DLGAP1: variants seen among roughly 807,000 people sequenced by gnomAD.
DLGAP1 encodes the protein DLG associated protein 1.
A neutral mutation model predicts 90.8 loss-of-function variants in DLGAP1; 11 were observed. That is an observed-to-expected ratio of 0.12 (90% CI 0.08 to 0.20). The LOEUF (loss-of-function observed/expected upper bound fraction) is 0.20, where lower values mean the gene tolerates loss of function less well. Ranked by LOEUF, DLGAP1 falls within the 10% of genes least tolerant of loss-of-function variation. The probability of loss-of-function intolerance (pLI) is 1.00; values close to 1 mark genes in which losing one functional copy is unlikely to be tolerated. For missense variants in DLGAP1, 1,050 were observed against 1,333.8 expected, an observed-to-expected ratio of 0.79 and a Z score of 3.31; for synonymous variants, 558 against 540.7, an observed-to-expected ratio of 1.03 and a Z score of -0.44.
Position 4,173,001 on chromosome 18 carries a change from C to T in DLGAP1, c.-266-21714G>A, listed in dbSNP as rs80028741. 1.8e-3 allele frequency among the ~76,000 whole-genome samples: 280 copies of T among 152,264 alleles called. 6 individuals carry two copies. The East Asian group carries it at 0.053, about 29-fold the overall frequency. ...GTTAGAGAACAATCTTTTCTTCAAC[C>T]ATTTATTTTGCTATGATAGAAGGTT... is the stretch of plus-strand genomic sequence containing the variant. On this transcript the variant is annotated intron_variant, in intron 1 of 12. Coordinates refer to ENST00000315677, the MANE Select transcript of DLGAP1 (RefSeq NM_004746.4).
rs535044718 is a variant in DLGAP1, at chr18:3,597,860, C to T, written c.1592-15612G>A. ...GCAGGCGTGTGGGAGGCTGCAGGCCCCCCTGATCTGTGTAGTTAGGCACTT... is the reference window on the plus strand; with the variant it reads ...GCAGGCGTGTGGGAGGCTGCAGGCCTCCCTGATCTGTGTAGTTAGGCACTT... On this transcript the variant is annotated intron_variant, in intron 7 of 12. Transcript: ENST00000315677. The T allele has an allele frequency of 2.0e-3, 311 of 154,152 alleles. 1 individual carries two copies. The highest frequency in any genetic ancestry group is 6.6e-3 in the Middle Eastern group (2 of 302). The allele number at this position is 154,152 out of a possible 1,614,324, so 9.5% of individuals were successfully genotyped here.
In DLGAP1 at chr18:3,818,346, G is replaced by GT. The variant is rs398031872; in HGVS notation, c.958-4074dup. Among the ~76,000 whole-genome samples the GT allele has an allele frequency of 4.6e-3, 308 of 66,504 alleles. 13 individuals carry two copies. The highest frequency in any genetic ancestry group is 0.01 in the South Asian group (16 of 1,570). The allele number at this position is 66,504 out of a possible 152,430, so 43.6% of individuals were successfully genotyped here. ...ATTACAGGATAGGGATGTAGGGATGGTTTTTTTTTTTTTTTTTTTTTTTTT... is the reference window on the plus strand; with the variant it reads ...ATTACAGGATAGGGATGTAGGGATGGTTTTTTTTTTTTTTTTTTTTTTTTTT... On this transcript the variant is annotated intron_variant, in intron 4 of 12. Coordinates refer to ENST00000315677, the MANE Select transcript of DLGAP1 (RefSeq NM_004746.4).
intron 7 of DLGAP1, among the ~76,000 whole-genome samples, chr18:3,694,947 T>C (rs80115125): frequency 2.0e-4 from 28 of 141,062 alleles, no homozygotes; most frequent in Non-Finnish European, 3.3e-4. Context: ...TTGTTTTTTT[T>C]TTTTTTTTTT....
chr18:3,529,395 A>G (rs985097990), intron 10 of DLGAP1, among the ~76,000 whole-genome samples: 46 of 152,124 alleles, frequency 3.0e-4, no homozygotes, highest in African/African-American at 1.0e-3. Flanking sequence ...ATAAATTTCT[A>G]TTGTTTATAA....
chr18:3,891,329 T>A (rs1322874089), intron 3 of DLGAP1, among the ~76,000 whole-genome samples: 1 of 152,178 alleles, frequency 6.6e-6, no homozygotes, highest in Non-Finnish European at 1.5e-5. Flanking sequence ...CCTCACTCAC[T>A]GTGGACAATA....
At chr18:3,863,747 C>G (rs1334132548) in intron 4 of DLGAP1, among the ~76,000 whole-genome samples, 2 of 152,252 alleles carry the variant, frequency 1.3e-5, no homozygotes, top group Non-Finnish European at 2.9e-5. Flanking sequence ...TCAGCCCCAC[C>G]ACCTCTGCAG....
At chr18:3,882,854 A>G (rs2071211466) in intron 3 of DLGAP1, among the ~76,000 whole-genome samples, 1 of 152,228 alleles carries the variant, frequency 6.6e-6, no homozygotes, top group Non-Finnish European at 1.5e-5. Flanking sequence ...TTGCCATATA[A>G]AGAGTCATCT....
chr18:4,343,207 T>G (rs2081233654), intron 1 of DLGAP1, among the ~76,000 whole-genome samples: 1 of 150,502 alleles, frequency 6.6e-6, no homozygotes, highest in African/African-American at 2.5e-5. Flanking sequence ...CTCGGGAGGC[T>G]GAGGCAGGAG....
intron 5 of DLGAP1, among the ~76,000 whole-genome samples, chr18:3,783,731 G>GCATC (rs1248568422): frequency 6.6e-6 from 1 of 152,106 alleles, no homozygotes; most frequent in Non-Finnish European, 1.5e-5. Context: ...AAAAACCATT[G>GCATC]CATCGTACAC....
chr18:3,709,781 G>C (rs1413993557), intron 7 of DLGAP1, among the ~76,000 whole-genome samples: 1 of 152,108 alleles, frequency 6.6e-6, no homozygotes, highest in Non-Finnish European at 1.5e-5. Flanking sequence ...CAGTGTTTGC[G>C]GGACTGAAGG....
intron 1 of DLGAP1, among the ~76,000 whole-genome samples, chr18:4,374,162 AT>A (rs1248506823): frequency 6.6e-6 from 1 of 152,160 alleles, no homozygotes; most frequent in Non-Finnish European, 1.5e-5. Flanking sequence ...AAGACTATTT[AT>A]ATGGGGAACG....
intron 1 of DLGAP1, among the ~76,000 whole-genome samples, chr18:4,443,081 A>G (rs1293000928): frequency 6.6e-6 from 1 of 152,218 alleles, no homozygotes; most frequent in East Asian, 1.9e-4. Flanking sequence ...AAAACTGCCA[A>G]AGTTGAAAAG....
chr18:4,154,669 C>T (rs2076726946), intron 1 of DLGAP1, among the ~76,000 whole-genome samples: 1 of 152,154 alleles, frequency 6.6e-6, no homozygotes, highest in Admixed American at 6.5e-5. Flanking sequence ...CTTTTCATCT[C>T]AGATCTGACT....
intron 3 of DLGAP1, among the ~76,000 whole-genome samples, chr18:3,992,559 T>C (rs2073990585): frequency 6.6e-6 from 1 of 152,098 alleles, no homozygotes; most frequent in Admixed American, 6.5e-5. Context: ...ACAACTGTGG[T>C]CTCAGCTAAC....
At chr18:4,239,332 T>C (rs1199626031) in intron 1 of DLGAP1, among the ~76,000 whole-genome samples, 6 of 152,196 alleles carry the variant, frequency 3.9e-5, no homozygotes, top group Non-Finnish European at 8.8e-5. Context: ...TTAGTTTTTT[T>C]CATCATTTAT....
chr18:4,401,593 T>TA (rs1171704732), intron 1 of DLGAP1, among the ~76,000 whole-genome samples: 1 of 152,174 alleles, frequency 6.6e-6, no homozygotes, highest in Non-Finnish European at 1.5e-5. Flanking sequence ...TTAAAAAGCA[T>TA]AATCCCGTTG....
chr18:4,304,800 G>T (rs555271714), intron 1 of DLGAP1, among the ~76,000 whole-genome samples: 11 of 151,836 alleles, frequency 7.2e-5, no homozygotes, highest in Admixed American at 7.2e-4. Flanking sequence ...GCGCGGTGGC[G>T]GGCACCTATA....
At chr18:4,069,671 T>C (rs956054282) in intron 2 of DLGAP1, among the ~76,000 whole-genome samples, 2 of 152,150 alleles carry the variant, frequency 1.3e-5, no homozygotes, top group Non-Finnish European at 2.9e-5. Context: ...TTCCTGAGGC[T>C]TCCCCAGAAG....
At chr18:4,243,273 T>C (rs2078583799) in intron 1 of DLGAP1, among the ~76,000 whole-genome samples, 1 of 152,248 alleles carries the variant, frequency 6.6e-6, no homozygotes, top group African/African-American at 2.4e-5. Flanking sequence ...CGGAGTACAG[T>C]GCCTGGAATA....
Sources: allele counts gnomAD v4.1 joint callset (sites outside exome capture counted in the v4.1 genomes callset), GRCh38; gene constraint gnomAD v4.1.1; transcripts MANE v1.5; gene names NCBI Gene and HGNC (gene_info 2026-07-23, HGNC 2026-07-21).